The following MGAT4C variants were observed in gnomAD, a reference collection of about 807,000 sequenced individuals.
MGAT4C encodes the protein alpha-1,3-mannosyl-glycoprotein 4-beta-N-acetylglucosaminyltransferase C.
MGAT4C carries 19 observed loss-of-function variants against 40.1 expected under a neutral mutation model. The observed-to-expected ratio is 0.47, with a 90% CI of 0.33 to 0.70. The LOEUF (loss-of-function observed/expected upper bound fraction) is 0.70. Among genes scored for constraint, MGAT4C ranks in the 30% least tolerant of loss-of-function variants. The pLI, the probability that MGAT4C is intolerant of heterozygous loss-of-function variation, is 0.02. For synonymous variants in MGAT4C, 181 were observed against 187.1 expected (o/e 0.97, Z 0.27); for missense variants, 491 against 563.2 (o/e 0.87, Z 1.30).
At chr12:86,426,984 T>C (rs562545399) in intron 3 of MGAT4C, among the ~76,000 whole-genome samples, 1 of 151,496 alleles carries the variant, frequency 6.6e-6, no homozygotes, top group East Asian at 2.0e-4. Context: ...GAGAGAGAAA[T>C]CACATCTAAG....
At chr12:85,999,167 G>A (rs1002755357) in intron 2 of MGAT4C, among the ~76,000 whole-genome samples, 2 of 152,094 alleles carry the variant, frequency 1.3e-5, no homozygotes, top group African/African-American at 2.4e-5. Flanking sequence ...TCACTATCAT[G>A]AGAACAGCAT....
chr12:86,367,092 G>C (rs1027345441), intron 3 of MGAT4C, among the ~76,000 whole-genome samples: 1 of 151,938 alleles, frequency 6.6e-6, no homozygotes, highest in Admixed American at 6.6e-5. Flanking sequence ...GACAGAGCAG[G>C]AGCACTGTCA....
chr12:86,684,992 T>C (rs1020879637), intron 2 of MGAT4C, among the ~76,000 whole-genome samples: 1 of 152,202 alleles, frequency 6.6e-6, no homozygotes, highest in Admixed American at 6.5e-5. Context: ...TGTTGCCTGT[T>C]CACCCTGAGG....
chr12:86,474,930 T>C (rs1414551766), intron 2 of MGAT4C, among the ~76,000 whole-genome samples: 6 of 152,106 alleles, frequency 3.9e-5, no homozygotes, highest in Non-Finnish European at 7.4e-5. Context: ...AAAAAGTATA[T>C]GTATAAAAAC....
intron 1 of MGAT4C, among the ~76,000 whole-genome samples, chr12:86,233,443 T>C (rs755268667): frequency 3.9e-5 from 6 of 152,212 alleles, no homozygotes; most frequent in African/African-American, 1.4e-4. Flanking sequence ...ACTCCGAAGG[T>C]GCAGCCTTTG....
chr12:86,116,835 T>A (rs1353614774), intron 1 of MGAT4C, among the ~76,000 whole-genome samples: 1 of 152,132 alleles, frequency 6.6e-6, no homozygotes, highest in Non-Finnish European at 1.5e-5. Flanking sequence ...ACATCAATAC[T>A]TTAGGGACCA....
chr12:86,794,577 A>G (rs1952079785), intron 1 of MGAT4C, among the ~76,000 whole-genome samples: 1 of 151,898 alleles, frequency 6.6e-6, no homozygotes, highest in African/African-American at 2.4e-5. Context: ...TGTTAAGAAA[A>G]GAAATCAAGA....
Position 86,803,110 on chromosome 12 carries a change from G to A in MGAT4C, c.-262+35556C>T, listed in dbSNP as rs928968128. 2.4e-3 allele frequency among the ~76,000 whole-genome samples: 350 copies of A among 146,834 alleles called. 3 individuals are homozygous for A. Among genetic ancestry groups the A allele is most frequent in the Middle Eastern group, 0.017 (5 of 290 alleles). ...GAACAGAGCCCTCATAAATAATGCCGCATACCTACAACTATCTGATCTTTG... is the reference window on the plus strand; with the variant it reads ...GAACAGAGCCCTCATAAATAATGCCACATACCTACAACTATCTGATCTTTG... On this transcript the variant is annotated intron_variant, in intron 1 of 7. Coordinates refer to the MGAT4C transcript ENST00000548651.
intron 2 of MGAT4C, among the ~76,000 whole-genome samples, chr12:86,667,129 T>A (rs948579140): frequency 1.3e-5 from 2 of 152,148 alleles, no homozygotes; most frequent in Non-Finnish European, 2.9e-5. Flanking sequence ...CTATAAAATA[T>A]TCATGGAAGA....
At chr12:86,738,261 A>G (rs917432620) in intron 1 of MGAT4C, among the ~76,000 whole-genome samples, 23 of 151,230 alleles carry the variant, frequency 1.5e-4, no homozygotes, top group African/African-American at 5.3e-4. Context: ...GTTTTCCTTC[A>G]TATCTTAATT....
intron 1 of MGAT4C, among the ~76,000 whole-genome samples, chr12:86,828,111 T>C (rs1033529112): frequency 6.6e-6 from 1 of 151,006 alleles, no homozygotes; most frequent in African/African-American, 2.4e-5. Context: ...TTTTTAGAAA[T>C]AGAATCAAAT....
intron 3 of MGAT4C, among the ~76,000 whole-genome samples, chr12:86,371,480 A>G (rs1354740598): frequency 6.6e-6 from 1 of 152,040 alleles, no homozygotes; most frequent in Non-Finnish European, 1.5e-5. Context: ...GCCTTCAGGG[A>G]GAATCTCAAA....
At chr12:85,995,077 T>C (rs778304324) in intron 2 of MGAT4C, among the ~76,000 whole-genome samples, 3 of 152,244 alleles carry the variant, frequency 2.0e-5, no homozygotes, top group Non-Finnish European at 4.4e-5. Flanking sequence ...GAAGACACTA[T>C]GTTTTATCCA....
chr12:86,015,498 G>A (rs150474744), intron 2 of MGAT4C, among the ~76,000 whole-genome samples: 10 of 152,276 alleles, frequency 6.6e-5, no homozygotes, highest in Admixed American at 2.0e-4. Flanking sequence ...TAAGGACACT[G>A]AAGTTTATAC....
intron 2 of MGAT4C, among the ~76,000 whole-genome samples, chr12:86,668,559 T>A (rs373608021): frequency 8.5e-5 from 13 of 152,330 alleles, no homozygotes; most frequent in African/African-American, 1.4e-4. Context: ...ACACCATTTT[T>A]AATCTGTGCA....
intron 2 of MGAT4C, among the ~76,000 whole-genome samples, chr12:86,687,469 C>T (rs1332689886): frequency 6.6e-6 from 1 of 152,070 alleles, no homozygotes; most frequent in Non-Finnish European, 1.5e-5. Flanking sequence ...CTCATGTGGG[C>T]AGTTAGTGCT....
intron 1 of MGAT4C, among the ~76,000 whole-genome samples, chr12:86,078,309 A>AACATGG (rs1277012308): frequency 6.6e-6 from 1 of 152,156 alleles, no homozygotes; most frequent in Non-Finnish European, 1.5e-5. Flanking sequence ...GATGAAGGGG[A>AACATGG]ACATGGTAAG....
At chr12:86,609,464 A>T (rs569940247) in intron 2 of MGAT4C, among the ~76,000 whole-genome samples, 2 of 151,338 alleles carry the variant, frequency 1.3e-5, no homozygotes, top group South Asian at 4.2e-4. Flanking sequence ...TTTAAAAAGT[A>T]AAAAAAAAGA....
intron 2 of MGAT4C, among the ~76,000 whole-genome samples, chr12:86,500,972 T>A (rs61950801): frequency 0.099 from 15,010 of 152,100 alleles, 1,005 homozygotes; most frequent in Middle Eastern, 0.25. Flanking sequence ...ATAGTATAAT[T>A]GCTATACATA....
Sources: gnomAD v4.1 joint callset for allele counts (sites outside exome capture counted in the v4.1 genomes callset) on GRCh38, gnomAD v4.1.1 for gene constraint, MANE v1.5 for transcripts, NCBI Gene and HGNC (gene_info 2026-07-23, HGNC 2026-07-21) for gene names.